The following DNAH12 variants were observed in gnomAD, a reference collection of about 807,000 sequenced individuals.
DNAH12 encodes dynein axonemal heavy chain 12.
A neutral mutation model predicts 371.5 loss-of-function variants in DNAH12; 285 were observed. The observed-to-expected ratio is 0.77, with a 90% CI of 0.70 to 0.85. The LOEUF (loss-of-function observed/expected upper bound fraction) is 0.85, where lower values mean the gene tolerates loss of function less well. Among genes scored for constraint, DNAH12 ranks in the 40% least tolerant of loss-of-function variants. The pLI, the probability that DNAH12 is intolerant of heterozygous loss-of-function variation, is 0.00. For missense variants in DNAH12, 3,611 were observed against 3,689.4 expected, an observed-to-expected ratio of 0.98 and a Z score of 0.55; for synonymous variants, 1,200 against 1,213.0, an observed-to-expected ratio of 0.99 and a Z score of 0.22.
chr3:57,372,990 T>C (rs2063206931), intron 55 of DNAH12, among the ~76,000 whole-genome samples: 1 of 152,194 alleles, frequency 6.6e-6, no homozygotes, highest in African/African-American at 2.4e-5. Flanking sequence ...AAATAATGGA[T>C]AACTCAACAA....
intron 22 of DNAH12, among the ~76,000 whole-genome samples, chr3:57,456,546 C>T (rs1337765200): frequency 6.6e-6 from 1 of 152,070 alleles, no homozygotes; most frequent in Non-Finnish European, 1.5e-5. Flanking sequence ...TGACATATCC[C>T]CCTTTAATGT....
chr3:57,294,489 C>T (rs1021458789), intron 73 of DNAH12, among the ~76,000 whole-genome samples: 6 of 152,038 alleles, frequency 3.9e-5, no homozygotes, highest in Non-Finnish European at 5.9e-5. Context: ...GCAAGTATTT[C>T]GTATGGTGCA....
intron 18 of DNAH12, 69 bp downstream of exon 18, chr3:57,462,621 A>G (rs2066087766): frequency 2.0e-6 from 3 of 1,497,974 alleles, no homozygotes; most frequent in Non-Finnish European, 2.7e-6. Context: ...ATTCAACCCC[A>G]ACAAAAACTA....
chr3:57,453,932 A>T (rs1267680601), intron 23 of DNAH12, among the ~76,000 whole-genome samples: 1 of 151,786 alleles, frequency 6.6e-6, no homozygotes, highest in Non-Finnish European at 1.5e-5. Context: ...AAGCAGAGAG[A>T]CCCCTGTCTC....
At chr3:57,409,281 G>A (rs782098747) in intron 39 of DNAH12, among the ~76,000 whole-genome samples, 2 of 152,090 alleles carry the variant, frequency 1.3e-5, no homozygotes, top group Non-Finnish European at 2.9e-5. Context: ...TACAGAGGCT[G>A]GGGTAGGAGT....
In DNAH12 at chr3:57,357,180, C is replaced by T. The variant is rs987754143; in HGVS notation, c.9529G>A (p.Asp3177Asn). 14 of 152,098 alleles carry T rather than the reference C, an allele frequency of 9.2e-5. No individual in the cohort carries two copies. Among genetic ancestry groups the T allele is most frequent in the African/African-American group, 3.4e-4 (14 of 41,412 alleles). 9.4% of individuals were successfully genotyped at this position (152,098 alleles called of 1,614,324 possible). A position where few individuals can be genotyped will look rare whatever the true frequency, so the allele number is the denominator to read the frequency against. Residue 3177 changes from aspartate (D) to asparagine (N), a missense_variant, in exon 59 of 74, where the codon GAC (aspartate) becomes AAC (asparagine). This residue lies in a region of DNAH12 where 2,266 missense variants were observed against 2,236.9 expected (regional missense o/e 1.01). Transcript: ENST00000495027. ...FVNLYINSIH[D>N]SNKSKILEKR... ...ATAAAGCGAGAGAATGTTTACCTGTCATGAATAGAGTTGATATAAAGGTTC... is the reference window on the plus strand; with the variant it reads ...ATAAAGCGAGAGAATGTTTACCTGTTATGAATAGAGTTGATATAAAGGTTC...
chr3:57,432,531 A>C (rs2064989064), intron 32 of DNAH12, among the ~76,000 whole-genome samples: 1 of 152,104 alleles, frequency 6.6e-6, no homozygotes, highest in African/African-American at 2.4e-5. Context: ...TTAGTAGGGC[A>C]GTCATTTCAT....
At position 57,542,791 on chromosome 3, in the gene DNAH12, G is replaced by A. The variant is rs757858173; in HGVS notation, c.80C>T (p.Pro27Leu). 2.5e-6 allele frequency: 4 copies of A among 1,611,152 alleles called. No homozygotes were observed. The African/African-American group carries it at 4.0e-5, about 16-fold the overall frequency. Residue 27 changes from proline to leucine, a missense_variant, in exon 2 of 74, where the codon CCA (proline) becomes CTA (leucine). This residue lies in a region of DNAH12 where 1,314 missense variants were observed against 1,398.7 expected (regional missense o/e 0.94). Transcript: ENST00000495027. ...NLKLPPIVHL[P>L]ENIGVDTPTQ... Reference sequence around the variant, plus strand: ...TGGTGTATCAACGCCTATGTTTTCTGGGAGATGGACAATGGGGGGTAACTT... The same window carrying A: ...TGGTGTATCAACGCCTATGTTTTCTAGGAGATGGACAATGGGGGGTAACTT...
chr3:57,427,134 G>T (rs1230756316), intron 34 of DNAH12, among the ~76,000 whole-genome samples: 1 of 139,500 alleles, frequency 7.2e-6, no homozygotes. Context: ...TATGTAAGAA[G>T]CGAATGTGTG....
At chr3:57,528,872 T>G (rs1331250238) in intron 2 of DNAH12, among the ~76,000 whole-genome samples, 1 of 151,970 alleles carries the variant, frequency 6.6e-6, no homozygotes, top group African/African-American at 2.4e-5. Flanking sequence ...TGATCTTCGC[T>G]CACTGTAACC....
In DNAH12 at chr3:57,403,384, G is replaced by A. The variant is rs1388379982; in HGVS notation, c.6873C>T (p.Ser2291=). Residue 2291 remains serine (S), a synonymous_variant, in exon 43 of 74, where the codon TCC becomes TCT. Transcript: ENST00000495027. ...GTTGGAAAATATGCATTTTTGCCAT[G>A]GATGTAGCCAGACGAGTTAAAGATT... The part of the protein sequence containing the change: ...GRQSLTRLAT[S]MAKMHIFQPE... 2.6e-6 allele frequency: 4 copies of A among 1,550,804 alleles called. No individual in the cohort carries two copies. In the African/African-American group the frequency reaches 4.1e-5, roughly 16 times the overall value.
chr3:57,481,911 A>C (rs2066757724), intron 13 of DNAH12, among the ~76,000 whole-genome samples: 1 of 152,214 alleles, frequency 6.6e-6, no homozygotes, highest in Non-Finnish European at 1.5e-5. Flanking sequence ...ACCTCATACA[A>C]AAACTAATTC....
chr3:57,543,515 T>C (rs898544108), intron 1 of DNAH12, among the ~76,000 whole-genome samples: 14 of 149,502 alleles, frequency 9.4e-5, no homozygotes, highest in African/African-American at 3.4e-4. Flanking sequence ...AGAGACAGGG[T>C]TTCACCATGT....
intron 4 of DNAH12, chr3:57,519,953 C>A: frequency 1.2e-6 from 1 of 863,326 alleles, no homozygotes; most frequent in Non-Finnish European, 2.0e-6. Flanking sequence ...TTGGAGCCTG[C>A]GCTCCTGGAG....
intron 62 of DNAH12, among the ~76,000 whole-genome samples, 181 bp downstream of exon 62, chr3:57,334,284 C>G (rs988681435): frequency 2.0e-4 from 30 of 151,938 alleles, no homozygotes; most frequent in African/African-American, 7.0e-4. Flanking sequence ...AAATAATAAC[C>G]AAAAATATTC....
chr3:57,420,599 A>G (rs1022474420), intron 36 of DNAH12, among the ~76,000 whole-genome samples: 1 of 151,856 alleles, frequency 6.6e-6, no homozygotes, highest in Non-Finnish European at 1.5e-5. Flanking sequence ...TTTGGTATTT[A>G]TTTTCGATTC....
chr3:57,511,978 T>G (rs1334478533), intron 4 of DNAH12, among the ~76,000 whole-genome samples: 1 of 151,760 alleles, frequency 6.6e-6, no homozygotes, highest in African/African-American at 2.4e-5. Flanking sequence ...ATAGATGAAG[T>G]CTTTTATAAC....
intron 11 of DNAH12, among the ~76,000 whole-genome samples, chr3:57,494,954 A>G (rs1252826365): frequency 1.3e-5 from 2 of 152,048 alleles, no homozygotes; most frequent in Non-Finnish European, 2.9e-5. Flanking sequence ...GGCTGCAGTG[A>G]GCTGTGACAG....
In DNAH12 at chr3:57,295,856, A is replaced by T. The variant is rs185114251; in HGVS notation, c.11625-264T>A. ...GTCCATGTGGCCAGGGCTCCAAGGG[A>T]AACTTTGTCTCCTTTTCTCTATCCC... On this transcript the variant is annotated intron_variant, in intron 72 of 73. Transcript: ENST00000495027. 2.9e-3 allele frequency among the ~76,000 whole-genome samples: 440 copies of T among 152,296 alleles called. 2 individuals carry two copies. Among genetic ancestry groups the T allele is most frequent in the Non-Finnish European group, 2.5e-3 (167 of 68,024 alleles).
Sources: allele counts gnomAD v4.1 joint callset (sites outside exome capture counted in the v4.1 genomes callset), GRCh38; gene constraint gnomAD v4.1.1; regional missense constraint gnomAD v4.1.1; transcripts MANE v1.5; gene names NCBI Gene and HGNC (gene_info 2026-07-23, HGNC 2026-07-21).